Variants in RYR1 observed in about 807,000 individuals in gnomAD.
The protein encoded by RYR1 is central core disease of muscle.
RYR1 carries 342 observed loss-of-function variants against 583.5 expected under a neutral mutation model. The observed-to-expected ratio is 0.59, with a 90% confidence interval of 0.54 to 0.64. RYR1 has a LOEUF of 0.64. Ranked by LOEUF, RYR1 falls within the 30% of genes least tolerant of loss-of-function variation. The probability of loss-of-function intolerance (pLI) is 0.00; values close to 1 mark genes in which losing one functional copy is unlikely to be tolerated. For synonymous variants in RYR1, 2,791 were observed against 2,822.5 expected (o/e 0.99, Z 0.35); for missense variants, 6,032 against 6,917.2 (o/e 0.87, Z 4.54).
Position 38,473,608 on chromosome 19 carries a change from A to T in RYR1, c.3997A>T (p.Asn1333Tyr), listed in dbSNP as rs1968550413. The T allele has an allele frequency of 1.3e-6, 2 of 1,572,852 alleles. No homozygotes were observed. Among genetic ancestry groups the T allele is most frequent in the Non-Finnish European group, 1.7e-6 (2 of 1,159,412 alleles). Residue 1333 changes from asparagine to tyrosine, a missense_variant, in exon 28 of 106, where the codon AAC becomes TAC. Asn to Tyr is a moderately radical substitution (Grantham distance 143). Transcript: ENST00000359596. ...GGCGGAACCCGACCCTGACTACGAA[A>T]ACCTGCGCCGCTCAGCTGGGGGCTG... ...RAAEPDPDYENLRRSAGGWSE... is the reference protein window; with the variant it reads ...RAAEPDPDYEYLRRSAGGWSE...
At chr19:38,449,673 T>C (rs769710945) in intron 11 of RYR1, among the ~76,000 whole-genome samples, 3 of 152,200 alleles carry the variant, frequency 2.0e-5, no homozygotes, top group Non-Finnish European at 4.4e-5. Flanking sequence ...GTGAAGTACA[T>C]AGTTTTACAA....
Position 38,473,535 on chromosome 19 carries a change from G to A in RYR1, c.3924G>A (p.Pro1308=), listed in dbSNP as rs144350050. The A allele has an allele frequency of 8.1e-6, 13 of 1,609,834 alleles. No homozygotes were observed. Among genetic ancestry groups the A allele is most frequent in the Admixed American group, 1.7e-5 (1 of 59,218 alleles). Residue 1308 remains proline, a synonymous_variant, in exon 28 of 106, where the codon CCG becomes CCA. Coordinates refer to ENST00000359596, the MANE Select transcript of RYR1 (RefSeq NM_000540.3). ...QHFRCTAGAT[P]LAPPGLQPPA... ...TCCGCTGCACTGCAGGGGCCACCCC[G>A]CTGGCACCTCCTGGCCTGCAGCCCC... is the stretch of plus-strand genomic sequence containing the variant.
intron 12 of RYR1, 63 bp from the exon 13 acceptor site, chr19:38,452,756 C>T (rs994745780): frequency 1.8e-5 from 26 of 1,457,338 alleles, no homozygotes; most frequent in South Asian, 6.3e-5. Flanking sequence ...AGTGAGGTTG[C>T]GGCAGTGACG....
rs1971290952 is a variant in RYR1, at chr19:38,523,026, AGGGC to A, written c.10260_10263del (p.Arg3420SerfsTer4). On this transcript the variant is annotated splice_acceptor_variant and coding_sequence_variant, in exon 68 of 106. Coordinates refer to ENST00000359596, the MANE Select transcript of RYR1 (RefSeq NM_000540.3). LOFTEE classifies it high-confidence loss of function. ...CCCTCACCTCCCCTCCGCTGACCCC[AGGGC>A]GCAGTGGCTGACGGAGCCGAATCCC... 1 of 1,584,314 alleles carries A rather than the reference AGGGC, an allele frequency of 6.3e-7. No homozygotes were observed. The highest frequency in any genetic ancestry group is 1.4e-5 in the African/African-American group (1 of 73,322).
intron 67 of RYR1, 23 bp downstream of exon 67, chr19:38,519,477 C>G: frequency 6.3e-7 from 1 of 1,578,306 alleles, no homozygotes; most frequent in Non-Finnish European, 8.6e-7. Flanking sequence ...CCGCTGTCCC[C>G]ATGCCCTCCG....
chr19:38,585,089 C>T lies in RYR1; in HGVS notation c.14793C>T (p.Ala4931=). The T allele has an allele frequency of 1.2e-5, 20 of 1,613,782 alleles. No individual in the cohort carries two copies. Among genetic ancestry groups the T allele is most frequent in the Non-Finnish European group, 1.7e-5 (20 of 1,179,886 alleles). ...FFFFVIVILL[A]IIQGLIIDAF... is the part of the protein sequence containing the mutation. ...TCTTCGTCATCGTCATCCTGTTGGC[C>T]ATCATCCAGGGTCAGTGCTGGGAGT... The change falls in exon 102 of 106, where the codon GCC becomes GCT. Residue 4931 remains alanine (A), a synonymous_variant. Transcript: ENST00000359596.
At chr19:38,583,417 G>A (rs1429264522) in intron 101 of RYR1, among the ~76,000 whole-genome samples, 8 of 150,776 alleles carry the variant, frequency 5.3e-5, no homozygotes, top group Admixed American at 2.7e-4. Flanking sequence ...GGTGGAGGTC[G>A]CAGTGAGCCA....
chr19:38,463,823 A>G lies in RYR1; in HGVS notation c.2759A>G (p.Asn920Ser). The G allele has an allele frequency of 6.2e-7, 1 of 1,613,664 alleles. No homozygotes were observed. The highest frequency in any genetic ancestry group is 8.5e-7 in the Non-Finnish European group (1 of 1,179,862). ...HSLPEPERNY[N>S]LQMSGETLKT... ...CTTCCAGAGCCTGAGAGGAACTACA[A>G]CCTGCAGATGTCTGGGGAGACGCTC... Residue 920 changes from asparagine (N) to serine (S), a missense_variant, in exon 22 of 106, where the codon AAC (asparagine) becomes AGC (serine). Asn to Ser is a conservative substitution (Grantham distance 46). This residue lies in a region of RYR1 where 2,627 missense variants were observed against 2,961.3 expected (regional missense o/e 0.89). Transcript: ENST00000359596.
At chr19:38,557,051 CT>C (rs35027525) in intron 89 of RYR1, among the ~76,000 whole-genome samples, 16 of 108,822 alleles carry the variant, frequency 1.5e-4, no homozygotes, top group African/African-American at 1.8e-4. Context: ...AGTCTCATTT[CT>C]TTTTTTTTTT....
chr19:38,518,802 G>C (rs1017609618), intron 66 of RYR1, among the ~76,000 whole-genome samples: 4 of 152,100 alleles, frequency 2.6e-5, no homozygotes, highest in African/African-American at 9.7e-5. Flanking sequence ...GGTGGCAGAC[G>C]CCTGTAATCC....
At chr19:38,491,341 C>T (rs1294695715) in intron 37 of RYR1, among the ~76,000 whole-genome samples, 1 of 151,906 alleles carries the variant, frequency 6.6e-6, no homozygotes, top group Non-Finnish European at 1.5e-5. Flanking sequence ...AAATACTTTT[C>T]TGCCCCTTTC....
intron 78 of RYR1, among the ~76,000 whole-genome samples, chr19:38,533,485 T>G (rs939218580): frequency 1.3e-5 from 2 of 152,140 alleles, no homozygotes; most frequent in Admixed American, 1.3e-4. Flanking sequence ...ACTTGTACAT[T>G]GTTAATCTAT....
chr19:38,510,594 C>G, intron 59 of RYR1, 29 bp downstream of exon 59: 1 of 1,614,070 alleles, frequency 6.2e-7, no homozygotes. Flanking sequence ...AGCTGGAGGG[C>G]GCTGGGGACT....
Position 38,492,642 on chromosome 19 carries a change from GAC to G in RYR1, c.6274+7_6274+8del. 6.5e-7 allele frequency: 1 copy of G among 1,543,670 alleles called. No homozygotes were observed. Among genetic ancestry groups the G allele is most frequent in the East Asian group, 2.4e-5 (1 of 41,356 alleles). ...AGCAGAGGAGAGCAAACCCCGTGAGGACTGGGGTCACTGGGGAGAGGGCAGGG... is the reference window on the plus strand; with the variant it reads ...AGCAGAGGAGAGCAAACCCCGTGAGGTGGGGTCACTGGGGAGAGGGCAGGG... On this transcript the variant is annotated splice_region_variant and intron_variant, in intron 38 of 105. Coordinates refer to ENST00000359596, the MANE Select transcript of RYR1 (RefSeq NM_000540.3).
chr19:38,521,023 C>T (rs1167217792), intron 67 of RYR1, among the ~76,000 whole-genome samples: 1 of 152,052 alleles, frequency 6.6e-6, no homozygotes, highest in Non-Finnish European at 1.5e-5. Flanking sequence ...AACTGTAATC[C>T]CAGCACTTTG....
Position 38,440,734 on chromosome 19 carries a change from C to G in RYR1, c.46-11C>G. 6.2e-7 allele frequency: 1 copy of G among 1,604,640 alleles called. No homozygotes were observed. The highest frequency in any genetic ancestry group is 1.1e-5 in the South Asian group (1 of 90,716). ...AGGCCCCCCTGGAGACGCTGCCCCT[C>G]GGTTCCGCAGGACGATGAGGTGGTC... On this transcript the variant is annotated splice_polypyrimidine_tract_variant and intron_variant, in intron 1 of 105. Transcript: ENST00000359596.
chr19:38,565,857 A>G lies in RYR1; in HGVS notation c.13437+86A>G, dbSNP rs952411852. ...AGCCCGGCTGGGTGGAGACACACACAGAGGAGAGAACTGGCTAGGGGGATG... is the reference window on the plus strand; with the variant it reads ...AGCCCGGCTGGGTGGAGACACACACGGAGGAGAGAACTGGCTAGGGGGATG... On this transcript the variant is annotated intron_variant, in intron 91 of 105. Coordinates refer to ENST00000359596, the MANE Select transcript of RYR1 (RefSeq NM_000540.3). The surrounding 1 kb of genome is among the most constrained non-coding windows in gnomAD (Gnocchi z 4.7). The G allele has an allele frequency of 2.3e-6, 3 of 1,322,708 alleles. No individual in the cohort carries two copies. The highest frequency in any genetic ancestry group is 2.9e-6 in the Non-Finnish European group (3 of 1,037,040). 81.9% of individuals were successfully genotyped at this position (1,322,708 alleles called of 1,614,324 possible).
Position 38,444,353 on chromosome 19 carries a change from AC to A in RYR1, c.537+97del. 1 of 1,080,560 alleles carries A rather than the reference AC, an allele frequency of 9.3e-7. No individual in the cohort carries two copies. The highest frequency in any genetic ancestry group is 1.4e-6 in the Non-Finnish European group (1 of 715,474). The allele number at this position is 1,080,560 out of a possible 1,614,324, so 66.9% of individuals were successfully genotyped here. On this transcript the variant is annotated intron_variant, in intron 6 of 105. Coordinates refer to ENST00000359596, the MANE Select transcript of RYR1 (RefSeq NM_000540.3). The surrounding 1 kb of genome is among the most constrained non-coding windows in gnomAD (Gnocchi z 5.1). ...CATGGGTTTGCCTGGCTGATCTCCC[AC>A]CCCCAAGGTCCTGACTCCCAATTTC...
chr19:38,527,835 C>CG, intron 73 of RYR1, 51 bp downstream of exon 73: 2 of 1,570,718 alleles, frequency 1.3e-6, no homozygotes, highest in Non-Finnish European at 8.7e-7. Context: ...CGGAGCCTGG[C>CG]GGGGGGAGGG....
Sources: gnomAD v4.1 joint callset for allele counts (sites outside exome capture counted in the v4.1 genomes callset) on GRCh38, gnomAD v4.1.1 for gene constraint, gnomAD v4.1.1 regional missense constraint, Gnocchi (gnomAD v3.1) non-coding constraint, MANE v1.5 for transcripts, NCBI Gene and HGNC (gene_info 2026-07-23, HGNC 2026-07-21) for gene names.